The following SAMMSON variants were observed in gnomAD, a reference collection of about 807,000 sequenced individuals.
The protein encoded by SAMMSON is long intergenic non-protein coding RNA 1212.
At chr3:70,182,869 G>T (rs1701064687) in intron 4 of SAMMSON, among the ~76,000 whole-genome samples, 1 of 151,620 alleles carries the variant, frequency 6.6e-6, no homozygotes, top group African/African-American at 2.4e-5. Context: ...TCCTTATCAT[G>T]CTTATGGCTC....
At chr3:70,102,955 C>G (rs1362998861) in intron 4 of SAMMSON, among the ~76,000 whole-genome samples, 1 of 152,104 alleles carries the variant, frequency 6.6e-6, no homozygotes, top group African/African-American at 2.4e-5. Context: ...CCTTTGATAG[C>G]CAATTTGGAA....
At position 70,268,065 on chromosome 3, in the gene SAMMSON, T is replaced by C. The variant is rs192739868; in HGVS notation, n.674+18395T>C. Among the ~76,000 whole-genome samples, 3 of 150,410 alleles carry C rather than the reference T, an allele frequency of 2.0e-5. No homozygotes were observed. In the East Asian group the frequency reaches 6.2e-4, roughly 31 times the overall value. ...TCCTCCTCCTCCTTCTTCTCCAATA[T>C]TTAAGGACTTCATTGTTTTTAGAGT... On this transcript the variant is annotated intron_variant and non_coding_transcript_variant, in intron 6 of 9. Coordinates refer to ENST00000642114, the Ensembl canonical transcript of SAMMSON.
chr3:70,270,718 A>G (rs1353174368), intron 6 of SAMMSON, among the ~76,000 whole-genome samples: 2 of 152,210 alleles, frequency 1.3e-5, no homozygotes, highest in East Asian at 3.9e-4. Flanking sequence ...AAAAAGGACG[A>G]GTTCATGTCC....
At chr3:70,036,912 T>C (rs2067087498) in intron 3 of SAMMSON, among the ~76,000 whole-genome samples, 1 of 152,084 alleles carries the variant, frequency 6.6e-6, no homozygotes, top group Non-Finnish European at 1.5e-5. Context: ...CTAATTACTA[T>C]GCAAGAGTAA....
At chr3:70,122,141 T>G (rs979087140) in intron 4 of SAMMSON, among the ~76,000 whole-genome samples, 2 of 152,240 alleles carry the variant, frequency 1.3e-5, no homozygotes, top group Non-Finnish European at 2.9e-5. Flanking sequence ...ACTAATACTA[T>G]GCAGTCTATA....
intron 2 of SAMMSON, among the ~76,000 whole-genome samples, chr3:70,410,856 C>A (rs987893118): frequency 6.6e-6 from 1 of 152,118 alleles, no homozygotes; most frequent in African/African-American, 2.4e-5. Flanking sequence ...CAGCAATGAC[C>A]TTCCAAAAAT....
chr3:70,296,403 C>G (rs80045983), intron 7 of SAMMSON, among the ~76,000 whole-genome samples: 2,018 of 152,142 alleles, frequency 0.013, 32 homozygotes, highest in African/African-American at 0.045. Flanking sequence ...GAAAATGGAC[C>G]TAATTTTAGA....
At chr3:70,024,115 T>C (rs1175956703) in intron 3 of SAMMSON, among the ~76,000 whole-genome samples, 1 of 152,190 alleles carries the variant, frequency 6.6e-6, no homozygotes, top group African/African-American at 2.4e-5. Context: ...CTCATTATTC[T>C]GTCTGTCTCA....
intron 4 of SAMMSON, among the ~76,000 whole-genome samples, chr3:70,174,786 G>A (rs768274592): frequency 3.3e-5 from 5 of 151,614 alleles, no homozygotes; most frequent in Non-Finnish European, 7.4e-5. Context: ...TGCCATCTAT[G>A]AGGAAGTAGC....
intron 4 of SAMMSON, among the ~76,000 whole-genome samples, chr3:70,235,851 A>C (rs1335150099): frequency 1.3e-5 from 2 of 152,216 alleles, no homozygotes; most frequent in Admixed American, 6.5e-5. Flanking sequence ...GTGCTACTTA[A>C]ATGCCACAGC....
At chr3:70,410,027 A>G (rs1483026114) in intron 2 of SAMMSON, among the ~76,000 whole-genome samples, 2 of 151,942 alleles carry the variant, frequency 1.3e-5, no homozygotes, top group Non-Finnish European at 2.9e-5. Flanking sequence ...GCCATGAGAT[A>G]GAGTTATTTA....
chr3:70,363,957 G>A (rs918420700), intron 9 of SAMMSON, among the ~76,000 whole-genome samples: 5 of 151,688 alleles, frequency 3.3e-5, no homozygotes, highest in Non-Finnish European at 7.4e-5. Context: ...TTTTTTGTCT[G>A]TTTAGTTGAG....
intron 3 of SAMMSON, among the ~76,000 whole-genome samples, chr3:70,048,148 A>G (rs1212241799): frequency 3.3e-5 from 5 of 152,074 alleles, no homozygotes; most frequent in African/African-American, 4.8e-5. Flanking sequence ...CTATTACTAA[A>G]TACGTACTGT....
intron 4 of SAMMSON, chr3:70,126,375 G>A (rs2067459062): frequency 2.1e-6 from 2 of 943,266 alleles, no homozygotes; most frequent in South Asian, 1.4e-5. Flanking sequence ...TCTTGTCAAT[G>A]CCTTTATAGC....
At chr3:70,258,475 A>G (rs1701837741) in intron 6 of SAMMSON, among the ~76,000 whole-genome samples, 1 of 152,158 alleles carries the variant, frequency 6.6e-6, no homozygotes, top group African/African-American at 2.4e-5. Context: ...CTCTGGGTTC[A>G]ACCGAAACTG....
intron 4 of SAMMSON, among the ~76,000 whole-genome samples, chr3:70,079,469 G>A (rs2067260236): frequency 6.6e-6 from 1 of 152,144 alleles, no homozygotes; most frequent in Non-Finnish European, 1.5e-5. Flanking sequence ...CTTCACGATG[G>A]TGTGAAAGTG....
At chr3:70,415,930 T>G (rs772517813) in intron 2 of SAMMSON, among the ~76,000 whole-genome samples, 4 of 152,186 alleles carry the variant, frequency 2.6e-5, no homozygotes, top group Admixed American at 6.5e-5. Flanking sequence ...TTGGATTCTG[T>G]GTACAGCAAA....
intron 7 of SAMMSON, among the ~76,000 whole-genome samples, chr3:70,346,247 A>G (rs560626759): frequency 2.7e-5 from 4 of 149,532 alleles, no homozygotes; most frequent in African/African-American, 9.8e-5. Flanking sequence ...GCATCTTTTC[A>G]TATGTTTATT....
chr3:70,159,513 A>G (rs1279387458), intron 4 of SAMMSON: 9 of 152,102 alleles, frequency 5.9e-5, no homozygotes, highest in Non-Finnish European at 1.5e-5. Context: ...CATTGATATC[A>G]GCAGTGTACG....
Sources: gnomAD v4.1 joint callset for allele counts (sites outside exome capture counted in the v4.1 genomes callset) on GRCh38, gnomAD v4.1.1 for gene constraint, MANE v1.5 for transcripts, NCBI Gene and HGNC (gene_info 2026-07-23, HGNC 2026-07-21) for gene names.